Variants in DMD observed in about 807,000 individuals in gnomAD.
DMD encodes the protein dystrophin.
Under a neutral mutation model 330.1 loss-of-function variants are expected in DMD, and 63 were observed. The observed-to-expected ratio is 0.19, with a 90% CI of 0.16 to 0.24. The LOEUF (loss-of-function observed/expected upper bound fraction) is 0.24. DMD is among the 10% of genes least tolerant of loss of function. The pLI is 1.00. For missense variants in DMD, 3,344 were observed against 2,684.1 expected, an observed-to-expected ratio of 1.25 and a Z score of -5.43; for synonymous variants, 1,223 against 959.8, an observed-to-expected ratio of 1.27 and a Z score of -5.07.
intron 1 of DMD, among the ~76,000 whole-genome samples, chrX:33,058,995 G>A (rs1214671050): frequency 1.8e-5 from 2 of 111,666 alleles, no homozygotes; most frequent in Admixed American, 1.9e-4. Flanking sequence ...TACGTCTTGT[G>A]AATATTTTTC....
intron 61 of DMD, among the ~76,000 whole-genome samples, chrX:31,344,157 T>C (rs906124242): frequency 1.8e-5 from 2 of 110,117 alleles, no homozygotes; most frequent in African/African-American, 6.6e-5. Flanking sequence ...CTAGCTCAAA[T>C]ACGGTTTGGA....
chrX:31,441,512 G>T (rs748810616), intron 60 of DMD, among the ~76,000 whole-genome samples: 3 of 112,473 alleles, frequency 2.7e-5, no homozygotes, highest in Admixed American at 9.4e-5. Flanking sequence ...TTTACTTTTT[G>T]ATTGTTCTTT....
chrX:31,291,332 G>A (rs2053677020), intron 62 of DMD, among the ~76,000 whole-genome samples: 2 of 111,175 alleles, frequency 1.8e-5, no homozygotes, highest in African/African-American at 6.5e-5. Context: ...CATTTAAAAG[G>A]AATGATTTGT....
rs768151193 is a variant in DMD at position 33,255,393 on chromosome X, C to T, written c.7+83866G>A. 5.4e-5 allele frequency among the ~76,000 whole-genome samples: 6 copies of T among 110,723 alleles called. No individual in the cohort carries two copies. In the East Asian group the frequency reaches 1.4e-3, roughly 26 times the overall value. ...AACAATGCTAAAGGAGATTGTCATC[C>T]GTATTTTATAGGAAAGGTACTCCAG... On this transcript the variant is annotated intron_variant, in intron 1 of 17. Coordinates refer to the DMD transcript ENST00000288447.
intron 9 of DMD, among the ~76,000 whole-genome samples, chrX:32,697,273 C>G (rs2063727124): frequency 9.0e-6 from 1 of 111,409 alleles, no homozygotes; most frequent in Non-Finnish European, 1.9e-5. Flanking sequence ...ATAGAAAGTA[C>G]TAAACATTGC....
chrX:31,981,260 C>T (rs1048205012), intron 44 of DMD, among the ~76,000 whole-genome samples: 6 of 111,233 alleles, frequency 5.4e-5, no homozygotes, highest in African/African-American at 1.6e-4. Flanking sequence ...AAGGAAAAAG[C>T]GTAGAGATTC....
intron 3 of DMD, among the ~76,000 whole-genome samples, chrX:32,846,535 T>A (rs1476508730): frequency 9.1e-6 from 1 of 110,218 alleles, no homozygotes; most frequent in East Asian, 2.9e-4. Flanking sequence ...TTGCCTGATA[T>A]CCTTTATAAC....
At chrX:33,267,445 A>G (rs1466837546) in intron 1 of DMD, among the ~76,000 whole-genome samples, 1 of 111,332 alleles carries the variant, frequency 9.0e-6, no homozygotes, top group Non-Finnish European at 1.9e-5. Context: ...TTATAGATTC[A>G]ATGCTGTCCT....
intron 53 of DMD, among the ~76,000 whole-genome samples, chrX:31,676,445 G>A: frequency 8.9e-6 from 1 of 112,095 alleles, no homozygotes; most frequent in East Asian, 2.8e-4. Flanking sequence ...TTTCATCAAA[G>A]AATATAATAT....
At chrX:33,009,058 A>T (rs2093487323) in intron 2 of DMD, among the ~76,000 whole-genome samples, 1 of 95,043 alleles carries the variant, frequency 1.1e-5, no homozygotes, top group African/African-American at 3.8e-5. Flanking sequence ...ATGTGTCTAT[A>T]TGCATACACA....
In DMD at chrX:32,390,121, G is replaced by C. The variant is rs1603632326; in HGVS notation, c.4294C>G (p.Gln1432Glu). 3 of 1,210,425 alleles carry C rather than the reference G, an allele frequency of 2.5e-6. No individual in the cohort carries two copies. Among genetic ancestry groups the C allele is most frequent in the African/African-American group, 1.7e-5 (1 of 57,714 alleles). Residue 1432 changes from glutamine (Q) to glutamate (E), a missense_variant, in exon 31 of 79, where the codon CAG becomes GAG. Gln to Glu is a conservative substitution (Grantham distance 29, BLOSUM62 2). Coordinates refer to ENST00000357033, the MANE Select transcript of DMD (RefSeq NM_004006.3). ...ISLEEMKKHN[Q>E]GKEAAQRVLS... ...ACTCTTTGGGCAGCCTCCTTCCCCT[G>C]ATTATGTTTCTTCATTTCTTCTAAA... is the stretch of plus-strand genomic sequence containing the variant.
At chrX:33,079,782 C>G (rs888248503) in intron 1 of DMD, among the ~76,000 whole-genome samples, 2 of 111,240 alleles carry the variant, frequency 1.8e-5, no homozygotes, top group African/African-American at 6.5e-5. Context: ...TTCATTTGAC[C>G]AAAACGATAA....
At chrX:32,663,965 G>T (rs765421314) in intron 9 of DMD, among the ~76,000 whole-genome samples, 2 of 111,331 alleles carry the variant, frequency 1.8e-5, no homozygotes, top group East Asian at 5.7e-4. Flanking sequence ...AGGTGATTGT[G>T]CATGGGCTTA....
Position 32,833,585 on chromosome X carries a change from G to A in DMD, c.265-10198C>T, listed in dbSNP as rs758245987. On this transcript the variant is annotated intron_variant, in intron 4 of 78. Transcript: ENST00000357033. ...AGTATATTATTTAATTTGAATTTTT[G>A]TAATTACGTATCTTTTATCTGGCAA... Among the ~76,000 whole-genome samples, 120 of 105,958 alleles carry A rather than the reference G, an allele frequency of 1.1e-3. 1 individual carries two copies. Among genetic ancestry groups the A allele is most frequent in the Admixed American group, 9.4e-3 (91 of 9,632 alleles). The allele number at this position is 105,958 out of a possible 115,157, so 92.0% of individuals were successfully genotyped here.
intron 60 of DMD, among the ~76,000 whole-genome samples, chrX:31,380,642 C>T (rs2060130064): frequency 9.0e-6 from 1 of 111,646 alleles, no homozygotes; most frequent in Middle Eastern, 4.6e-3. Flanking sequence ...TCAGGATCTG[C>T]ACCTTATCAA....
At chrX:32,752,680 G>T (rs1294943857) in intron 7 of DMD, among the ~76,000 whole-genome samples, 1 of 108,380 alleles carries the variant, frequency 9.2e-6, no homozygotes, top group Non-Finnish European at 1.9e-5. Flanking sequence ...GGGGTGGAAT[G>T]ATATGGTTTG....
At chrX:33,311,941 A>T (rs748911650) in intron 1 of DMD, among the ~76,000 whole-genome samples, 1 of 110,844 alleles carries the variant, frequency 9.0e-6, no homozygotes, top group African/African-American at 3.3e-5. Context: ...GAAATAGTAA[A>T]GAGAAAGACT....
At chrX:33,101,365 C>G (rs376722552) in intron 1 of DMD, among the ~76,000 whole-genome samples, 3 of 112,330 alleles carry the variant, frequency 2.7e-5, no homozygotes, top group East Asian at 2.8e-4. Context: ...CGGTGGCTCA[C>G]GCCCATAATC....
intron 21 of DMD, among the ~76,000 whole-genome samples, chrX:32,474,114 T>TA (rs2040950159): frequency 9.0e-6 from 1 of 111,083 alleles, no homozygotes; most frequent in African/African-American, 3.3e-5. Flanking sequence ...TCACTTAGAA[T>TA]AATAGTCTCC....
Sources: allele counts gnomAD v4.1 joint callset (sites outside exome capture counted in the v4.1 genomes callset), GRCh38; gene constraint gnomAD v4.1.1; transcripts MANE v1.5; gene names NCBI Gene and HGNC (gene_info 2026-07-23, HGNC 2026-07-21).